Variants in PPARGC1A observed in about 807,000 individuals in gnomAD.
PPARGC1A encodes PPARG coactivator 1 alpha.
A neutral mutation model predicts 88.7 loss-of-function variants in PPARGC1A; 25 were observed. That is an observed-to-expected ratio of 0.28 (90% CI 0.21 to 0.39). The LOEUF is 0.39. Among genes scored for constraint, PPARGC1A ranks in the 10% least tolerant of loss-of-function variants. The pLI is 1.00. For missense variants in PPARGC1A, 880 were observed against 968.7 expected, an observed-to-expected ratio of 0.91 and a Z score of 1.22; for synonymous variants, 363 against 355.6, an observed-to-expected ratio of 1.02 and a Z score of -0.24.
chr4:24,159,060 A>G, the PPARGC1A span, among the ~76,000 whole-genome samples: 3 of 152,166 alleles, frequency 2.0e-5, no homozygotes, highest in Non-Finnish European at 4.4e-5. Context: ...AAGTATAATA[A>G]TTTATGATAT....
chr4:24,363,518 G>T, the PPARGC1A span, among the ~76,000 whole-genome samples: 39 of 152,222 alleles, frequency 2.6e-4, no homozygotes, highest in South Asian at 7.7e-3. Flanking sequence ...TTCACTTAGT[G>T]CCAAAAAACA....
chr4:24,152,446 T>C, the PPARGC1A span, among the ~76,000 whole-genome samples: 1 of 152,214 alleles, frequency 6.6e-6, no homozygotes, highest in Admixed American at 6.5e-5. Context: ...ATTCAAAGTA[T>C]ACCCCCATAT....
chr4:24,113,496 T>C, the PPARGC1A span, among the ~76,000 whole-genome samples: 1 of 152,204 alleles, frequency 6.6e-6, no homozygotes, highest in Admixed American at 6.5e-5. Flanking sequence ...CCACTTTCTC[T>C]GTGCATAGAG....
chr4:24,157,958 CAACA>C, the PPARGC1A span, among the ~76,000 whole-genome samples: 2 of 152,132 alleles, frequency 1.3e-5, no homozygotes, highest in Non-Finnish European at 2.9e-5. Context: ...CTTACCCTTC[CAACA>C]CACACTGTCT....
chr4:23,997,117 C>A, the PPARGC1A span, among the ~76,000 whole-genome samples: 1 of 152,138 alleles, frequency 6.6e-6, no homozygotes, highest in Admixed American at 6.6e-5. Context: ...TATAAAGACG[C>A]CATGAAACAA....
the PPARGC1A span, among the ~76,000 whole-genome samples, chr4:23,963,760 C>G: frequency 1.3e-5 from 2 of 152,166 alleles, no homozygotes; most frequent in Non-Finnish European, 2.9e-5. Flanking sequence ...TCATGAACCC[C>G]CTTTCCTGGT....
chr4:23,862,617 T>C (rs935296781), intron 2 of PPARGC1A, among the ~76,000 whole-genome samples: 6 of 152,200 alleles, frequency 3.9e-5, no homozygotes, highest in African/African-American at 1.4e-4. Context: ...GAGAATTAGA[T>C]AAGACTAGTT....
At position 23,865,276 on chromosome 4, in the gene PPARGC1A, G is replaced by C. The variant is rs190250301; in HGVS notation, c.234+19476C>G. 2.6e-5 allele frequency among the ~76,000 whole-genome samples: 4 copies of C among 152,252 alleles called. No homozygotes were observed. The East Asian group carries it at 5.8e-4, about 22-fold the overall frequency. ...ATCCTTGAACATGGCAATGTGACTG[G>C]CCAGCGTTTCTGAGGATTCCTGATA... On this transcript the variant is annotated intron_variant, in intron 2 of 12. Transcript: ENST00000264867.
chr4:24,316,836 G>A, the PPARGC1A span, among the ~76,000 whole-genome samples: 9 of 152,298 alleles, frequency 5.9e-5, 1 homozygote, highest in African/African-American at 1.4e-4. Flanking sequence ...TAACAAGCTC[G>A]GGTATTCTTG....
At chr4:23,866,772 T>C (rs1577573997) in intron 2 of PPARGC1A, among the ~76,000 whole-genome samples, 1 of 152,218 alleles carries the variant, frequency 6.6e-6, no homozygotes, top group Non-Finnish European at 1.5e-5. Context: ...TCAGAGCTTT[T>C]TTTTTTAGCT....
the PPARGC1A span, among the ~76,000 whole-genome samples, chr4:24,388,711 A>G: frequency 6.6e-6 from 1 of 152,110 alleles, no homozygotes; most frequent in Non-Finnish European, 1.5e-5. Context: ...CGGCAAAGTA[A>G]CACAGGAACA....
At chr4:23,955,906 A>T in the PPARGC1A span, among the ~76,000 whole-genome samples, 1 of 152,112 alleles carries the variant, frequency 6.6e-6, no homozygotes, top group East Asian at 1.9e-4. Context: ...TGAAGTCAGG[A>T]AACTTTCCGT....
the PPARGC1A span, among the ~76,000 whole-genome samples, chr4:24,005,108 A>T: frequency 6.6e-6 from 1 of 152,214 alleles, no homozygotes; most frequent in Non-Finnish European, 1.5e-5. Flanking sequence ...CTAGGTCCCT[A>T]GGTTATTCCT....
At chr4:24,208,025 TC>T in the PPARGC1A span, among the ~76,000 whole-genome samples, 1 of 152,118 alleles carries the variant, frequency 6.6e-6, no homozygotes, top group African/African-American at 2.4e-5. Flanking sequence ...ACACCTGTAA[TC>T]CCAACACTTT....
chr4:24,459,555 C>G, the PPARGC1A span, among the ~76,000 whole-genome samples: 2 of 151,968 alleles, frequency 1.3e-5, no homozygotes, highest in African/African-American at 4.8e-5. Context: ...CTTTGGGAGG[C>G]TGAGGCAGGC....
upstream of PPARGC1A, among the ~76,000 whole-genome samples, chr4:23,900,506 A>C (rs1427783970): frequency 6.6e-6 from 1 of 152,228 alleles, no homozygotes; most frequent in Non-Finnish European, 1.5e-5. Context: ...AAATGTGTAT[A>C]AGCCAAGTGC....
the PPARGC1A span, among the ~76,000 whole-genome samples, chr4:23,943,387 T>G: frequency 2.6e-5 from 4 of 152,014 alleles, no homozygotes; most frequent in African/African-American, 9.7e-5. Flanking sequence ...AAGGTTTTTT[T>G]TTTTTTTTTT....
the PPARGC1A span, among the ~76,000 whole-genome samples, chr4:24,468,757 A>G: frequency 6.6e-6 from 1 of 151,814 alleles, no homozygotes; most frequent in African/African-American, 2.4e-5. Context: ...TATATCAAGA[A>G]GCTCCATCTT....
chr4:24,361,791 C>T, the PPARGC1A span, among the ~76,000 whole-genome samples: 33 of 152,160 alleles, frequency 2.2e-4, no homozygotes, highest in Admixed American at 2.0e-3. Context: ...TGTTGTTGAG[C>T]GGGTAAAGCC....
Sources: gnomAD v4.1 joint callset for allele counts (sites outside exome capture counted in the v4.1 genomes callset) on GRCh38, gnomAD v4.1.1 for gene constraint, MANE v1.5 for transcripts, NCBI Gene and HGNC (gene_info 2026-07-23, HGNC 2026-07-21) for gene names.